Variants in AGXT observed in about 807,000 individuals in gnomAD.
AGXT encodes the protein L-alanine: glyoxylate aminotransferase 1.
A neutral mutation model predicts 46.9 loss-of-function variants in AGXT; 41 were observed. That is an observed-to-expected ratio of 0.88 (90% confidence interval 0.68 to 1.14). The LOEUF (loss-of-function observed/expected upper bound fraction) is 1.14, where lower values mean the gene tolerates loss of function less well. Among genes scored for constraint, AGXT ranks in the 50% most tolerant of loss-of-function variants. The pLI, the probability that AGXT is intolerant of heterozygous loss-of-function variation, is 0.00. For synonymous variants in AGXT, 244 were observed against 227.9 expected, an observed-to-expected ratio of 1.07 and a Z score of -0.64; for missense variants, 525 against 522.7, an observed-to-expected ratio of 1.00 and a Z score of -0.04.
chr2:240,873,158 C>A, intron 5 of AGXT, 109 bp downstream of exon 5: 1 of 922,422 alleles, frequency 1.1e-6, no homozygotes, highest in Non-Finnish European at 1.7e-6. Flanking sequence ...CGGATTCGGC[C>A]CCATCTCCAC....
chr2:240,871,662 C>T (rs1456048805), intron 4 of AGXT, among the ~76,000 whole-genome samples: 1 of 152,186 alleles, frequency 6.6e-6, no homozygotes, highest in Non-Finnish European at 1.5e-5. Flanking sequence ...TGCTCCCTGG[C>T]CGAGCGCCCC....
chr2:240,877,761 G>T (rs952147846), intron 9 of AGXT, 129 bp downstream of exon 9: 2 of 1,108,400 alleles, frequency 1.8e-6, no homozygotes, highest in Admixed American at 4.8e-5. Flanking sequence ...TGTGGCCTCG[G>T]TGCCAGGGAT....
At chr2:240,872,842 C>A in intron 4 of AGXT, 137 bp from the exon 5 acceptor site, 2 of 759,818 alleles carry the variant, frequency 2.6e-6, no homozygotes, top group Non-Finnish European at 4.7e-6. Context: ...AACTGGCCAA[C>A]TCCTGGGGTG....
Sources: gnomAD v4.1 joint callset for allele counts (sites outside exome capture counted in the v4.1 genomes callset) on GRCh38, gnomAD v4.1.1 for gene constraint, MANE v1.5 for transcripts, NCBI Gene and HGNC (gene_info 2026-07-23, HGNC 2026-07-21) for gene names.